The following WWOX variants were observed in gnomAD, a reference collection of about 807,000 sequenced individuals.
WWOX encodes the protein WW domain-containing oxidoreductase.
A neutral mutation model predicts 46.2 loss-of-function variants in WWOX; 69 were observed. The ratio of observed to expected loss-of-function variants is 1.49; its 90% CI spans 1.23 to 1.82. WWOX has a LOEUF of 1.82. Among genes scored for constraint, WWOX ranks in the 40% most tolerant of loss-of-function variants. The pLI, the probability that WWOX is intolerant of heterozygous loss-of-function variation, is 0.00. For synonymous variants in WWOX, 359 were observed against 202.6 expected, an observed-to-expected ratio of 1.77 and a Z score of -6.56; for missense variants, 919 against 542.6, an observed-to-expected ratio of 1.69 and a Z score of -6.89.
chr16:78,598,244 A>G lies in WWOX; in HGVS notation c.1056+165492A>G, dbSNP rs967988071. ...AAACAGAAAATATTTCACTATCAGAATTTTCTAGAACCAGTTAAAACCACA... is the reference window on the plus strand; with the variant it reads ...AAACAGAAAATATTTCACTATCAGAGTTTTCTAGAACCAGTTAAAACCACA... On this transcript the variant is annotated intron_variant, in intron 8 of 8. Transcript: ENST00000566780. Among the ~76,000 whole-genome samples, 4 of 152,180 alleles carry G rather than the reference A, an allele frequency of 2.6e-5. No homozygotes were observed. The South Asian group carries it at 6.2e-4, about 24-fold the overall frequency.
chr16:79,061,476 C>G (rs1257237076), intron 8 of WWOX, among the ~76,000 whole-genome samples: 1 of 152,172 alleles, frequency 6.6e-6, no homozygotes, highest in South Asian at 2.1e-4. Flanking sequence ...GCATTCAGAT[C>G]TCTTGCAAAA....
At chr16:78,620,988 A>G (rs910141974) in intron 8 of WWOX, among the ~76,000 whole-genome samples, 1 of 152,230 alleles carries the variant, frequency 6.6e-6, no homozygotes, top group Non-Finnish European at 1.5e-5. Context: ...CTACATTGCA[A>G]TTTCAAAATA....
At chr16:79,114,270 C>G (rs906214750) in intron 8 of WWOX, among the ~76,000 whole-genome samples, 4 of 151,932 alleles carry the variant, frequency 2.6e-5, no homozygotes, top group Non-Finnish European at 4.4e-5. Context: ...TTGCAGATGT[C>G]ATCAAATTAA....
chr16:78,438,897 C>T lies in WWOX; in HGVS notation c.1056+6145C>T, dbSNP rs2083388333. ...AAGCACAAGATGTCATTCTTCTAAC[C>T]TTCGTGAAAGCCAAACGGGGTAATT... On this transcript the variant is annotated intron_variant, in intron 8 of 8. Transcript: ENST00000566780. Among the ~76,000 whole-genome samples, 4 of 152,114 alleles carry T rather than the reference C, an allele frequency of 2.6e-5. No homozygotes were observed. The South Asian group carries it at 8.3e-4, about 32-fold the overall frequency.
intron 4 of WWOX, among the ~76,000 whole-genome samples, chr16:78,144,471 A>ATATATATACG (rs2034114503): frequency 3.0e-4 from 10 of 33,584 alleles, no homozygotes; most frequent in African/African-American, 1.3e-3. Flanking sequence ...ATACACACAT[A>ATATATATACG]TATATATATA....
intron 8 of WWOX, among the ~76,000 whole-genome samples, chr16:78,534,101 C>A (rs763471913): frequency 1.2e-4 from 19 of 152,076 alleles, no homozygotes; most frequent in Non-Finnish European, 2.4e-4. Context: ...CATTGAATCC[C>A]TGAGTTATAG....
In WWOX at chr16:78,372,996, T is replaced by C. The variant is rs1439829161; in HGVS notation, c.517-13864T>C. Reference sequence around the variant, plus strand: ...ATGGGCTATTGTCTCTCAAAGACTTTTGCAGGCTTATTTTATGCTTTTTGG... The same window carrying C: ...ATGGGCTATTGTCTCTCAAAGACTTCTGCAGGCTTATTTTATGCTTTTTGG... On this transcript the variant is annotated intron_variant, in intron 5 of 8. Coordinates refer to ENST00000566780, the MANE Select transcript of WWOX (RefSeq NM_016373.4). 3.3e-5 allele frequency among the ~76,000 whole-genome samples: 5 copies of C among 152,354 alleles called. No homozygotes were observed. In the East Asian group the frequency reaches 7.7e-4, roughly 24 times the overall value.
intron 8 of WWOX, among the ~76,000 whole-genome samples, chr16:78,489,373 C>T (rs544238234): frequency 1.1e-4 from 17 of 152,134 alleles, no homozygotes; most frequent in Admixed American, 7.2e-4. Context: ...TTTACTTGGC[C>T]AAATATCCGA....
At chr16:78,131,800 G>A (rs1457660481) in intron 4 of WWOX, among the ~76,000 whole-genome samples, 1 of 151,056 alleles carries the variant, frequency 6.6e-6, no homozygotes, top group Non-Finnish European at 1.5e-5. Flanking sequence ...TGGCCAGGAC[G>A]GTGTTGAACT....
intron 8 of WWOX, among the ~76,000 whole-genome samples, chr16:78,731,701 A>G (rs1324542101): frequency 3.3e-5 from 5 of 152,132 alleles, no homozygotes; most frequent in Non-Finnish European, 7.4e-5. Context: ...TATTGACTGG[A>G]AAGCCTGTAA....
chr16:79,181,036 A>G (rs1424736174), intron 8 of WWOX, among the ~76,000 whole-genome samples: 3 of 152,216 alleles, frequency 2.0e-5, no homozygotes, highest in African/African-American at 7.2e-5. Context: ...ATACATGCTC[A>G]TTTAAATAAG....
intron 8 of WWOX, among the ~76,000 whole-genome samples, chr16:78,849,825 C>A (rs1358142634): frequency 6.6e-6 from 1 of 152,058 alleles, no homozygotes; most frequent in African/African-American, 2.4e-5. Context: ...GTAATCCCAG[C>A]ACTTTGGGAG....
At chr16:78,394,818 C>A (rs68107493) in intron 6 of WWOX, among the ~76,000 whole-genome samples, 2 of 152,252 alleles carry the variant, frequency 1.3e-5, no homozygotes, top group South Asian at 2.1e-4. Context: ...TATGCTACCC[C>A]TGGGCAACAA....
intron 8 of WWOX, among the ~76,000 whole-genome samples, chr16:78,908,634 G>A (rs1317599411): frequency 6.6e-6 from 1 of 152,156 alleles, no homozygotes. Flanking sequence ...AAAACTCAGG[G>A]ATAGAGATTT....
chr16:78,823,661 G>A (rs188086857), intron 8 of WWOX, among the ~76,000 whole-genome samples: 9 of 152,234 alleles, frequency 5.9e-5, no homozygotes, highest in East Asian at 1.9e-4. Flanking sequence ...AAGTATACAC[G>A]TATCTGTGCA....
intron 5 of WWOX, among the ~76,000 whole-genome samples, chr16:78,198,696 T>A (rs1165024134): frequency 6.6e-6 from 1 of 152,252 alleles, no homozygotes; most frequent in Non-Finnish European, 1.5e-5. Context: ...TAGCTCATTT[T>A]TACCATCTTC....
At chr16:79,125,511 A>G (rs2049733288) in intron 8 of WWOX, among the ~76,000 whole-genome samples, 3 of 152,188 alleles carry the variant, frequency 2.0e-5, no homozygotes, top group Non-Finnish European at 4.4e-5. Context: ...CCCAGGCTCA[A>G]ATGATAGACA....
In WWOX at chr16:78,990,744, G is replaced by A. The variant is rs572300429; in HGVS notation, c.1057-220864G>A. 4.3e-4 allele frequency among the ~76,000 whole-genome samples: 65 copies of A among 152,312 alleles called. No homozygotes were observed. The South Asian group carries it at 0.013, about 32-fold the overall frequency. On this transcript the variant is annotated intron_variant, in intron 8 of 8. Transcript: ENST00000566780. The stretch of plus-strand genomic sequence containing the variant: ...GGAGGGAGGGAGGGAGACAGGGAAG[G>A]AAGGAAGTCTGGCAAGAGGGCACAG...
intron 8 of WWOX, among the ~76,000 whole-genome samples, chr16:78,993,665 C>T (rs984622531): frequency 5.3e-5 from 8 of 152,158 alleles, no homozygotes; most frequent in Admixed American, 2.6e-4. Context: ...GTTTTGTCAC[C>T]GGCGGCTTTA....
Sources: gnomAD v4.1 joint callset for allele counts (sites outside exome capture counted in the v4.1 genomes callset) on GRCh38, gnomAD v4.1.1 for gene constraint, MANE v1.5 for transcripts, NCBI Gene and HGNC (gene_info 2026-07-23, HGNC 2026-07-21) for gene names.